Variants in EDIL3 observed in about 807,000 individuals in gnomAD.
The protein encoded by EDIL3 is EGF-like repeat and discoidin I-like domain-containing protein 3.
Under a neutral mutation model 67.4 loss-of-function variants are expected in EDIL3, and 37 were observed. The observed-to-expected ratio is 0.55, with a 90% CI of 0.42 to 0.72. The LOEUF (loss-of-function observed/expected upper bound fraction) is 0.72. Among genes scored for constraint, EDIL3 ranks in the 30% least tolerant of loss-of-function variants. The probability of loss-of-function intolerance (pLI) is 0.00; values close to 1 mark genes in which losing one functional copy is unlikely to be tolerated. For synonymous variants in EDIL3, 195 were observed against 196.3 expected (o/e 0.99, Z 0.05); for missense variants, 527 against 586.3 (o/e 0.90, Z 1.04).
intron 3 of EDIL3, among the ~76,000 whole-genome samples, chr5:84,210,188 A>G (rs909275915): frequency 2.0e-5 from 3 of 152,214 alleles, no homozygotes; most frequent in Admixed American, 6.5e-5. Flanking sequence ...GTTTTAATCT[A>G]CTATAGTAAA....
chr5:83,971,765 C>T (rs1183676231), intron 9 of EDIL3, among the ~76,000 whole-genome samples: 1 of 152,028 alleles, frequency 6.6e-6, no homozygotes, highest in Non-Finnish European at 1.5e-5. Flanking sequence ...TTGTCCCTTA[C>T]CATCTATCAA....
At chr5:84,033,005 G>A (rs1434865227) in intron 9 of EDIL3, among the ~76,000 whole-genome samples, 5 of 152,088 alleles carry the variant, frequency 3.3e-5, no homozygotes, top group African/African-American at 1.2e-4. Context: ...CGTTTGAATG[G>A]CCCCTCTGTT....
chr5:84,153,486 G>T (rs992485062), intron 4 of EDIL3, among the ~76,000 whole-genome samples: 7 of 151,766 alleles, frequency 4.6e-5, no homozygotes, highest in Admixed American at 2.6e-4. Flanking sequence ...ATAGAGACGG[G>T]GTTTCACCAT....
intron 5 of EDIL3, among the ~76,000 whole-genome samples, chr5:84,124,662 G>A (rs1411739990): frequency 1.3e-5 from 2 of 151,248 alleles, no homozygotes; most frequent in African/African-American, 2.4e-5. Context: ...TATATTGTTA[G>A]GTTAATAATA....
Position 84,337,757 on chromosome 5 carries a change from G to A in EDIL3, c.67+46551C>T, listed in dbSNP as rs1747019480. 2.6e-5 allele frequency among the ~76,000 whole-genome samples: 4 copies of A among 152,178 alleles called. No homozygotes were observed. In the South Asian group the frequency reaches 8.3e-4, roughly 32 times the overall value. The stretch of plus-strand genomic sequence containing the variant: ...TAAATGATGAATCATAATGAGAAAA[G>A]TGATTTCTTCTATAATGGTGTGAAT... On this transcript the variant is annotated intron_variant, in intron 1 of 10. Coordinates refer to ENST00000296591, the MANE Select transcript of EDIL3 (RefSeq NM_005711.5).
chr5:84,316,499 A>G (rs1746515260), intron 1 of EDIL3, among the ~76,000 whole-genome samples: 2 of 152,220 alleles, frequency 1.3e-5, no homozygotes, highest in African/African-American at 4.8e-5. Context: ...AACAAAGATC[A>G]AAAGAGACAA....
chr5:84,130,701 T>G (rs1221233846), intron 5 of EDIL3, among the ~76,000 whole-genome samples: 1 of 152,162 alleles, frequency 6.6e-6, no homozygotes, highest in East Asian at 1.9e-4. Flanking sequence ...ATTCTGCTCT[T>G]GTAATTCACT....
intron 10 of EDIL3, among the ~76,000 whole-genome samples, chr5:83,960,377 A>C (rs1255966723): frequency 1.3e-5 from 2 of 151,228 alleles, no homozygotes; most frequent in Non-Finnish European, 3.0e-5. Flanking sequence ...TGCCTAGTAG[A>C]GTCTATTTTT....
At chr5:84,255,775 A>G (rs1745111918) in intron 1 of EDIL3, among the ~76,000 whole-genome samples, 1 of 152,170 alleles carries the variant, frequency 6.6e-6, no homozygotes, top group Non-Finnish European at 1.5e-5. Context: ...TTAAAACAGT[A>G]CCTAAGTGCT....
chr5:84,353,070 A>G (rs1022418289), intron 1 of EDIL3, among the ~76,000 whole-genome samples: 2 of 152,118 alleles, frequency 1.3e-5, no homozygotes, highest in Non-Finnish European at 1.5e-5. Context: ...TATGGGCATC[A>G]ATCAATGTGA....
At chr5:84,246,496 T>C (rs1561233713) in intron 2 of EDIL3, among the ~76,000 whole-genome samples, 1 of 152,246 alleles carries the variant, frequency 6.6e-6, no homozygotes, top group African/African-American at 2.4e-5. Context: ...AATAAATCCA[T>C]TAAACTCTGT....
At chr5:83,964,269 T>C (rs572911269) in intron 9 of EDIL3, among the ~76,000 whole-genome samples, 1 of 152,114 alleles carries the variant, frequency 6.6e-6, no homozygotes, top group East Asian at 1.9e-4. Context: ...TCTAGAATAC[T>C]TTGTTTTTTA....
At chr5:84,267,164 T>C (rs1281414905) in intron 1 of EDIL3, among the ~76,000 whole-genome samples, 1 of 152,196 alleles carries the variant, frequency 6.6e-6, no homozygotes, top group Non-Finnish European at 1.5e-5. Context: ...ACTTTCTCCC[T>C]TCACCTCTTC....
intron 10 of EDIL3, among the ~76,000 whole-genome samples, chr5:83,959,736 A>C (rs1009188148): frequency 6.0e-5 from 9 of 150,932 alleles, no homozygotes; most frequent in African/African-American, 2.2e-4. Flanking sequence ...TTAATTGCTA[A>C]GTAGTATTGA....
At chr5:84,234,703 T>C (rs1311971060) in intron 2 of EDIL3, among the ~76,000 whole-genome samples, 1 of 152,182 alleles carries the variant, frequency 6.6e-6, no homozygotes, top group Admixed American at 6.6e-5. Flanking sequence ...CTTAGTATAT[T>C]ATAACATATT....
At chr5:84,260,718 A>T (rs911177230) in intron 1 of EDIL3, among the ~76,000 whole-genome samples, 25 of 152,190 alleles carry the variant, frequency 1.6e-4, no homozygotes, top group African/African-American at 5.8e-4. Context: ...ATGCTTCTCC[A>T]TTTTCTCTGC....
chr5:84,306,275 G>A (rs1450985551), intron 1 of EDIL3, among the ~76,000 whole-genome samples: 1 of 152,134 alleles, frequency 6.6e-6, no homozygotes, highest in African/African-American at 2.4e-5. Flanking sequence ...AATCACAGCT[G>A]CAACCAGCCT....
intron 9 of EDIL3, among the ~76,000 whole-genome samples, chr5:84,004,786 C>A (rs1201848735): frequency 6.6e-6 from 1 of 152,006 alleles, no homozygotes; most frequent in East Asian, 1.9e-4. Context: ...ACTAGAACAA[C>A]AAGAGCAAAC....
intron 1 of EDIL3, among the ~76,000 whole-genome samples, chr5:84,342,749 T>C (rs79389171): frequency 0.018 from 2,702 of 152,128 alleles, 77 homozygotes; most frequent in African/African-American, 0.062. Context: ...ATAAAACTTA[T>C]GGTTTTCTGG....
Sources: allele counts gnomAD v4.1 joint callset (sites outside exome capture counted in the v4.1 genomes callset), GRCh38; gene constraint gnomAD v4.1.1; transcripts MANE v1.5; gene names NCBI Gene and HGNC (gene_info 2026-07-23, HGNC 2026-07-21).